Variants in TNS1 observed in about 807,000 individuals in gnomAD.
TNS1 encodes the protein tensin 1.
TNS1 carries 62 observed loss-of-function variants against 168.6 expected under a neutral mutation model. That is an observed-to-expected ratio of 0.37 (90% CI 0.30 to 0.45). The LOEUF (loss-of-function observed/expected upper bound fraction) is 0.45. TNS1 is among the 20% of genes least tolerant of loss of function. The pLI is 1.00. For missense variants in TNS1, 2,240 were observed against 2,339.4 expected (o/e 0.96, Z 0.88); for synonymous variants, 934 against 933.2 (o/e 1.00, Z -0.02).
At chr2:217,920,463 G>A (rs369918123) in intron 3 of TNS1, among the ~76,000 whole-genome samples, 12 of 152,120 alleles carry the variant, frequency 7.9e-5, no homozygotes, top group South Asian at 6.2e-4. Flanking sequence ...TGAAATGAGC[G>A]TCACAATTAA....
At chr2:217,899,810 C>A (rs978361038) in intron 7 of TNS1, among the ~76,000 whole-genome samples, 4 of 152,222 alleles carry the variant, frequency 2.6e-5, no homozygotes, top group Admixed American at 6.5e-5. Flanking sequence ...GAGCCACCTC[C>A]AGTCTGTGGA....
At chr2:217,894,898 T>C in intron 9 of TNS1, 108 bp downstream of exon 9, 1 of 1,121,340 alleles carries the variant, frequency 8.9e-7, no homozygotes, top group Non-Finnish European at 1.3e-6. Flanking sequence ...GTCGGCACTC[T>C]GACAAACTGT....
chr2:217,931,226 G>A (rs181011317), intron 3 of TNS1, among the ~76,000 whole-genome samples: 1 of 152,310 alleles, frequency 6.6e-6, no homozygotes, highest in Non-Finnish European at 1.5e-5. Context: ...TGGGATTCAA[G>A]TCCATCTGTT....
intron 19 of TNS1, among the ~76,000 whole-genome samples, chr2:217,844,274 CAA>C (rs1946361332): frequency 1.3e-5 from 2 of 152,090 alleles, no homozygotes; most frequent in African/African-American, 4.8e-5. Flanking sequence ...TCTCCTGGCT[CAA>C]AGTCTCTCCC....
At chr2:217,982,520 C>CAGA (rs1275096004) in intron 2 of TNS1, among the ~76,000 whole-genome samples, 1 of 151,690 alleles carries the variant, frequency 6.6e-6, no homozygotes, top group Non-Finnish European at 1.5e-5. Context: ...CCTCCCACTT[C>CAGA]AGCCTCCCAA....
intron 18 of TNS1, among the ~76,000 whole-genome samples, chr2:217,855,020 A>T (rs1488669065): frequency 6.6e-6 from 1 of 152,210 alleles, no homozygotes; most frequent in Non-Finnish European, 1.5e-5. Flanking sequence ...GCTGAGTGAT[A>T]GCACTCAGGA....
At chr2:217,906,037 A>C (rs1158967236) in intron 6 of TNS1, among the ~76,000 whole-genome samples, 1 of 151,994 alleles carries the variant, frequency 6.6e-6, no homozygotes, top group Non-Finnish European at 1.5e-5. Context: ...GGTTTTGCGC[A>C]TTTCCCCTTG....
At chr2:217,910,713 T>TACATACAC (rs1954284960) in intron 4 of TNS1, among the ~76,000 whole-genome samples, 1 of 106,740 alleles carries the variant, frequency 9.4e-6, no homozygotes, top group African/African-American at 3.2e-5. Context: ...CACATACACA[T>TACATACAC]ACACACACAC....
intron 3 of TNS1, among the ~76,000 whole-genome samples, chr2:217,943,099 G>C (rs1331476469): frequency 6.6e-6 from 1 of 152,150 alleles, no homozygotes; most frequent in Non-Finnish European, 1.5e-5. Context: ...GAGGAGCAGG[G>C]GGAAGGCAGC....
At chr2:217,975,644 C>T (rs539382325) in intron 3 of TNS1, among the ~76,000 whole-genome samples, 2 of 152,294 alleles carry the variant, frequency 1.3e-5, no homozygotes, top group East Asian at 3.9e-4. Context: ...TTCTCGCATA[C>T]CTCGTCTATC....
chr2:217,976,711 C>A (rs1158772576), intron 3 of TNS1, among the ~76,000 whole-genome samples: 1 of 152,234 alleles, frequency 6.6e-6, no homozygotes, highest in Non-Finnish European at 1.5e-5. Context: ...TACTGCATGA[C>A]AAGGGGCCAT....
At chr2:217,894,641 AG>A (rs1332492680) in intron 9 of TNS1, among the ~76,000 whole-genome samples, 3 of 151,826 alleles carry the variant, frequency 2.0e-5, no homozygotes, top group African/African-American at 7.3e-5. Context: ...TGGGCGACAG[AG>A]GGGGACTGCA....
intron 3 of TNS1, among the ~76,000 whole-genome samples, chr2:217,960,597 G>A (rs1957472341): frequency 1.3e-5 from 2 of 152,270 alleles, no homozygotes. Context: ...CCACGTACCA[G>A]CAGCCCAGCT....
intron 1 of TNS1, among the ~76,000 whole-genome samples, chr2:217,996,345 C>T (rs1419876609): frequency 2.0e-5 from 3 of 152,178 alleles, no homozygotes; most frequent in Non-Finnish European, 4.4e-5. Flanking sequence ...CCCATGCCCC[C>T]TCACCCTTAG....
chr2:217,822,105 C>T (rs1411421865), intron 22 of TNS1, among the ~76,000 whole-genome samples, 167 bp from the exon 23 acceptor site: 1 of 152,126 alleles, frequency 6.6e-6, no homozygotes, highest in East Asian at 1.9e-4. Context: ...CCACCCTGCC[C>T]TGCAGTGACC....
intron 18 of TNS1, chr2:217,858,587 CAGCTCCAAGTGCTGT>C (rs1948441190): frequency 1.0e-6 from 1 of 985,920 alleles, no homozygotes; most frequent in Admixed American, 6.2e-5. Context: ...TACATGGCTG[CAGCTCCAAGTGCTGT>C]CTGTGTCCTA....
At chr2:217,908,585 C>T (rs957748987) in intron 4 of TNS1, among the ~76,000 whole-genome samples, 4 of 152,124 alleles carry the variant, frequency 2.6e-5, no homozygotes, top group Non-Finnish European at 4.4e-5. Flanking sequence ...TAAAAGGTTC[C>T]GGCGTCAGGG....
intron 2 of TNS1, among the ~76,000 whole-genome samples, chr2:217,984,379 G>A (rs1202283024): frequency 5.3e-5 from 8 of 151,934 alleles, no homozygotes; most frequent in Admixed American, 1.3e-4. Flanking sequence ...CTTTGAATGC[G>A]GCCCAACACA....
At chr2:217,963,975 G>A (rs1044273178) in intron 3 of TNS1, among the ~76,000 whole-genome samples, 1 of 151,146 alleles carries the variant, frequency 6.6e-6, no homozygotes, top group Non-Finnish European at 1.5e-5. Context: ...TAAAACAAGA[G>A]ACTTTGACTG....
Sources: gnomAD v4.1 joint callset for allele counts (sites outside exome capture counted in the v4.1 genomes callset) on GRCh38, gnomAD v4.1.1 for gene constraint, MANE v1.5 for transcripts, NCBI Gene and HGNC (gene_info 2026-07-23, HGNC 2026-07-21) for gene names.